MOCOS: variants seen among roughly 807,000 people sequenced by gnomAD.
MOCOS encodes the protein human molybdenum cofactor sulfurase.
MOCOS carries 86 observed loss-of-function variants against 83.6 expected under a neutral mutation model. The ratio of observed to expected loss-of-function variants is 1.03; its 90% CI spans 0.86 to 1.23. The LOEUF (loss-of-function observed/expected upper bound fraction) is 1.23, where lower values mean the gene tolerates loss of function less well. MOCOS is among the 50% of genes most tolerant of loss of function. MOCOS has a pLI of 0.00. For synonymous variants in MOCOS, 445 were observed against 434.7 expected (o/e 1.02, Z -0.29); for missense variants, 1,120 against 1,126.9 (o/e 0.99, Z 0.09).
intron 9 of MOCOS, among the ~76,000 whole-genome samples, chr18:36,243,844 G>C (rs753969547): frequency 1.3e-5 from 2 of 152,002 alleles, no homozygotes; most frequent in African/African-American, 2.4e-5. Flanking sequence ...TTTAATCTAG[G>C]AGGGTTGTAT....
rs2091620866 is a variant in MOCOS at position 36,251,280 on chromosome 18, A to G, written c.2161A>G (p.Lys721Glu). The change falls in exon 11 of 15, where the codon AAA (lysine) becomes GAA (glutamate). Residue 721 changes from lysine (K) to glutamate (E), a missense_variant. By Grantham distance (56) the Lys-to-Glu change is moderately conservative. Transcript: ENST00000261326. Reference protein sequence around the residue: ...SQRNAKKKHGKDQLPGTMATL... With the variant: ...SQRNAKKKHGEDQLPGTMATL... Reference sequence around the variant, plus strand: ...AAGGAATGCAAAGAAGAAACATGGAAAAGGTATTACATTTTGAATTGGTTC... The same window carrying G: ...AAGGAATGCAAAGAAGAAACATGGAGAAGGTATTACATTTTGAATTGGTTC... 2 of 1,614,002 alleles carry G rather than the reference A, an allele frequency of 1.2e-6. No homozygotes were observed. The highest frequency in any genetic ancestry group is 1.7e-6 in the Non-Finnish European group (2 of 1,180,010).
chr18:36,223,801 T>A (rs1320212353), intron 9 of MOCOS, among the ~76,000 whole-genome samples: 1 of 152,232 alleles, frequency 6.6e-6, no homozygotes, highest in African/African-American at 2.4e-5. Flanking sequence ...GTTTTCAGAA[T>A]GTGAGTATTT....
At chr18:36,241,805 C>T (rs1045357734) in intron 9 of MOCOS, among the ~76,000 whole-genome samples, 2 of 152,248 alleles carry the variant, frequency 1.3e-5, no homozygotes, top group Non-Finnish European at 2.9e-5. Context: ...TGTGTACCCA[C>T]AGGCCCAATA....
chr18:36,251,075 T>C (rs1470921120), intron 10 of MOCOS, 84 bp from the exon 11 acceptor site: 1 of 1,488,912 alleles, frequency 6.7e-7, no homozygotes, highest in African/African-American at 1.4e-5. Context: ...TTATTTTATT[T>C]TGTAACCAAA....
chr18:36,219,023 C>G (rs2091485559), intron 8 of MOCOS, among the ~76,000 whole-genome samples: 1 of 150,754 alleles, frequency 6.6e-6, no homozygotes, highest in Non-Finnish European at 1.5e-5. Flanking sequence ...CGCCTGCCAT[C>G]AAGCCCGGCT....
intron 13 of MOCOS, among the ~76,000 whole-genome samples, chr18:36,266,500 C>A (rs1001829890): frequency 6.6e-6 from 1 of 152,146 alleles, no homozygotes; most frequent in Non-Finnish European, 1.5e-5. Flanking sequence ...TCCTCAAATC[C>A]ATTCTCCAAC....
In MOCOS at chr18:36,256,986, T is replaced by G. The variant is rs1430323401; in HGVS notation, c.2183T>G (p.Met728Arg). 1.2e-6 allele frequency: 2 copies of G among 1,614,126 alleles called. No homozygotes were observed. Residue 728 changes from methionine (M) to arginine (R), a missense_variant, in exon 12 of 15, where the codon ATG (methionine) becomes AGG (arginine). By Grantham distance (91) the Met-to-Arg change is moderately conservative. Transcript: ENST00000261326. ...KHGKDQLPGT[M>R]ATLSLVNEAQ... ...TTTTCAGATCAACTTCCTGGTACAATGGCCACCCTTTCTCTGGTGAATGAG... is the reference window on the plus strand; with the variant it reads ...TTTTCAGATCAACTTCCTGGTACAAGGGCCACCCTTTCTCTGGTGAATGAG...
intron 9 of MOCOS, among the ~76,000 whole-genome samples, chr18:36,231,929 A>C (rs2091539150): frequency 6.6e-6 from 1 of 152,156 alleles, no homozygotes; most frequent in South Asian, 2.1e-4. Flanking sequence ...CACTTCCTTG[A>C]TCCAACCAAA....
intron 1 of MOCOS, among the ~76,000 whole-genome samples, chr18:36,193,077 T>C (rs113270185): frequency 0.14 from 21,431 of 150,234 alleles, 1,709 homozygotes; most frequent in East Asian, 0.3. Context: ...TTTGGGAGGC[T>C]GAGGCGGGTG....
intron 9 of MOCOS, among the ~76,000 whole-genome samples, chr18:36,243,696 GTTC>G (rs774120510): frequency 1.2e-4 from 19 of 152,144 alleles, no homozygotes; most frequent in Non-Finnish European, 2.6e-4. Context: ...ATTGGTACCA[GTTC>G]TTCTTTGAAT....
Position 36,206,244 on chromosome 18 carries a change from C to CTTTT in MOCOS, c.1218+985_1218+988dup, listed in dbSNP as rs71166102. On this transcript the variant is annotated intron_variant, in intron 6 of 14. Coordinates refer to ENST00000261326, the MANE Select transcript of MOCOS (RefSeq NM_017947.4). ...ATTTTTATTTTATTTTTTCTTCCAA[C>CTTTT]TTTTTTTTTTTTTTTTTTTTGAGAT... Among the ~76,000 whole-genome samples the CTTTT allele has an allele frequency of 4.9e-4, 51 of 103,638 alleles. 3 individuals carry two copies. The highest frequency in any genetic ancestry group is 5.9e-4 in the Non-Finnish European group (33 of 55,684). The allele number at this position is 103,638 out of a possible 152,430, so 68.0% of individuals were successfully genotyped here.
intron 9 of MOCOS, among the ~76,000 whole-genome samples, chr18:36,220,682 C>A (rs1306577128): frequency 6.6e-6 from 1 of 152,154 alleles, no homozygotes; most frequent in Admixed American, 6.5e-5. Context: ...AATCCCAGCA[C>A]TGCAGAGGTG....
intron 2 of MOCOS, among the ~76,000 whole-genome samples, chr18:36,197,449 G>GTT (rs199855630): frequency 1.1e-3 from 24 of 22,142 alleles, no homozygotes; most frequent in Non-Finnish European, 1.8e-3. Context: ...AGTGAGGAGA[G>GTT]ATTTTTTTTT....
chr18:36,256,109 C>T (rs1007905830), intron 11 of MOCOS, among the ~76,000 whole-genome samples: 4 of 151,950 alleles, frequency 2.6e-5, no homozygotes, highest in African/African-American at 4.8e-5. Context: ...TCAGGCTGGT[C>T]TTGAACTCCC....
chr18:36,198,545 G>T, intron 2 of MOCOS, 145 bp from the exon 3 acceptor site: 1 of 791,084 alleles, frequency 1.3e-6, no homozygotes, highest in South Asian at 1.5e-5. Context: ...ATTTTTGAGG[G>T]ATAGAAATCT....
intron 9 of MOCOS, among the ~76,000 whole-genome samples, chr18:36,224,951 G>T (rs1379680100): frequency 6.6e-6 from 1 of 152,104 alleles, no homozygotes; most frequent in Admixed American, 6.6e-5. Context: ...TTGTAGGTTT[G>T]CTCAGGCTTT....
Position 36,218,989 on chromosome 18 carries a change from C to T in MOCOS, c.1798-1066C>T, listed in dbSNP as rs533037236. On this transcript the variant is annotated intron_variant, in intron 8 of 14. Coordinates refer to ENST00000261326, the MANE Select transcript of MOCOS (RefSeq NM_017947.4). The stretch of plus-strand genomic sequence containing the variant: ...GTTCAATTGATTCTCCTGCCTCAGC[C>T]TCCAGAGCAGCTAGGACTACAGGCG... Among the ~76,000 whole-genome samples the T allele has an allele frequency of 3.9e-3, 584 of 150,112 alleles. 3 individuals carry two copies. The highest frequency in any genetic ancestry group is 0.013 in the African/African-American group (514 of 40,882).
At chr18:36,241,527 G>A (rs530912333) in intron 9 of MOCOS, among the ~76,000 whole-genome samples, 34 of 152,242 alleles carry the variant, frequency 2.2e-4, no homozygotes, top group Non-Finnish European at 4.4e-4. Flanking sequence ...TGAGTGATGG[G>A]GCTTTTCCAG....
At chr18:36,256,496 C>T (rs187531574) in intron 11 of MOCOS, among the ~76,000 whole-genome samples, 100 of 152,178 alleles carry the variant, frequency 6.6e-4, no homozygotes, top group South Asian at 1.2e-3. Flanking sequence ...GTCACCCAGG[C>T]TAGAGTGCAG....
Sources: allele counts gnomAD v4.1 joint callset (sites outside exome capture counted in the v4.1 genomes callset), GRCh38; gene constraint gnomAD v4.1.1; transcripts MANE v1.5; gene names NCBI Gene and HGNC (gene_info 2026-07-23, HGNC 2026-07-21).